Variants in SARS2 observed in about 807,000 individuals in gnomAD.
SARS2 encodes seryl-tRNA synthetase 2, mitochondrial.
A neutral mutation model predicts 66.8 loss-of-function variants in SARS2; 52 were observed. That is an observed-to-expected ratio of 0.78 (90% CI 0.62 to 0.98). The LOEUF is 0.98. Among genes scored for constraint, SARS2 ranks in the 50% least tolerant of loss-of-function variants. SARS2 has a pLI of 0.00. For missense variants in SARS2, 673 were observed against 706.3 expected (o/e 0.95, Z 0.53); for synonymous variants, 306 against 281.4 (o/e 1.09, Z -0.87).
rs564893921 is a variant in SARS2 at position 38,915,824 on chromosome 19, G to T, written c.1413+17C>A. 3.7e-6 allele frequency: 6 copies of T among 1,613,114 alleles called. No individual in the cohort carries two copies. Among genetic ancestry groups the T allele is most frequent in the South Asian group, 1.1e-5 (1 of 91,084 alleles). The stretch of plus-strand genomic sequence containing the variant: ...GGCGCTGAGCTGCCTCTCTGGGTGG[G>T]CCCCTCAGCCCCTCACCTTCTGCTG... On this transcript the variant is annotated intron_variant, in intron 15 of 15. Transcript: ENST00000221431.
At position 38,921,672 on chromosome 19, in the gene SARS2, G is replaced by A. The variant is rs886054429; in HGVS notation, c.394-5C>T. ...CAGACCCTGGTACTTGGGGTCCTGGGGGCAGCACAGGTGGGCTCAGCCCGG... is the reference window on the plus strand; with the variant it reads ...CAGACCCTGGTACTTGGGGTCCTGGAGGCAGCACAGGTGGGCTCAGCCCGG... On this transcript the variant is annotated splice_region_variant and splice_polypyrimidine_tract_variant and intron_variant, in intron 3 of 15. Coordinates refer to ENST00000221431, the MANE Select transcript of SARS2 (RefSeq NM_017827.4). 1.9e-6 allele frequency: 3 copies of A among 1,614,054 alleles called. No homozygotes were observed. The highest frequency in any genetic ancestry group is 4.5e-5 in the East Asian group (2 of 44,880).
chr19:38,921,629 C>T lies in SARS2; in HGVS notation c.432G>A (p.Glu144=). 1.2e-6 allele frequency: 2 copies of T among 1,614,242 alleles called. No homozygotes were observed. The highest frequency in any genetic ancestry group is 1.7e-6 in the Non-Finnish European group (2 of 1,180,038). The part of the protein sequence containing the change: ...KYQGLRARGR[E]IRKELVHLYP... ...ACAGGTGAACAAGCTCCTTCCGGAT[C>T]TCCCGGCCACGTGCCCGCAGACCCT... The change falls in exon 4 of 16, where the codon GAG becomes GAA. Residue 144 remains glutamate, a synonymous_variant. Transcript: ENST00000221431.
chr19:38,918,320 G>A, intron 9 of SARS2, 102 bp downstream of exon 9: 2 of 1,230,434 alleles, frequency 1.6e-6, no homozygotes, highest in South Asian at 1.2e-5. Flanking sequence ...TGGGGCTGCT[G>A]AGCTGCTCGG....
At position 38,930,721 on chromosome 19, in the gene SARS2, C is replaced by T. The variant is rs1974727624; in HGVS notation, c.16G>A (p.Ala6Thr). The T allele has an allele frequency of 6.2e-7, 1 of 1,613,406 alleles. No homozygotes were observed. Among genetic ancestry groups the T allele is most frequent in the South Asian group, 1.1e-5 (1 of 91,068 alleles). MAASMARRLWPLLTRR... is the reference protein window; with the variant it reads MAASMTRRLWPLLTRR... ...GTCAGCAAAGGCCACAAGCGCCGCG[C>T]CATGGACGCAGCCATCTTGGACCGG... The change falls in exon 1 of 16, where the codon GCG (alanine) becomes ACG (threonine). Residue 6 changes from alanine (A) to threonine (T), a missense_variant. Coordinates refer to ENST00000221431, the MANE Select transcript of SARS2 (RefSeq NM_017827.4).
intron 3 of SARS2, chr19:38,921,952 C>T (rs1269155437): frequency 7.1e-6 from 11 of 1,548,180 alleles, no homozygotes; most frequent in East Asian, 2.4e-5. Flanking sequence ...AGCCCCAGGA[C>T]TTTAACTGGA....
At chr19:38,926,612 C>A (rs1158136135) in intron 1 of SARS2, among the ~76,000 whole-genome samples, 1 of 151,708 alleles carries the variant, frequency 6.6e-6, no homozygotes, top group Non-Finnish European at 1.5e-5. Context: ...ATGGTGAAAC[C>A]CCATCTCTAC....
intron 1 of SARS2, among the ~76,000 whole-genome samples, chr19:38,928,005 C>A (rs2074113835): frequency 6.6e-6 from 1 of 152,200 alleles, no homozygotes; most frequent in East Asian, 1.9e-4. Context: ...TGCACTCTAG[C>A]CTGGGCGACA....
intron 1 of SARS2, among the ~76,000 whole-genome samples, chr19:38,929,398 T>C (rs1440657156): frequency 6.7e-6 from 1 of 150,010 alleles, no homozygotes; most frequent in Non-Finnish European, 1.5e-5. Context: ...CAACAAAAAA[T>C]ACAAAAGTTT....
At position 38,915,460 on chromosome 19, in the gene SARS2, G is replaced by A. The variant is rs750389664; in HGVS notation, c.*146C>T. On this transcript the variant is annotated 3_prime_UTR_variant, in exon 16 of 16. Coordinates refer to ENST00000221431, the MANE Select transcript of SARS2 (RefSeq NM_017827.4). Reference sequence around the variant, plus strand: ...AGGCAGCAAGGACAGAGGAGAGGTGGACCCCGTGGTCCAGGGGCCCGGGCG... The same window carrying A: ...AGGCAGCAAGGACAGAGGAGAGGTGAACCCCGTGGTCCAGGGGCCCGGGCG... 2.4e-5 allele frequency: 20 copies of A among 837,632 alleles called. No individual in the cohort carries two copies. In the African/African-American group the frequency reaches 2.7e-4, roughly 11 times the overall value. 51.9% of individuals were successfully genotyped at this position (837,632 alleles called of 1,614,324 possible). A position where few individuals can be genotyped will look rare whatever the true frequency, so the allele number is the denominator to read the frequency against.
chr19:38,918,934 C>T (rs966929433), intron 7 of SARS2, 121 bp from the exon 8 acceptor site: 105 of 954,570 alleles, frequency 1.1e-4, no homozygotes, highest in Middle Eastern at 4.5e-4. Flanking sequence ...CAGGGGCTGG[C>T]GCAGTGGCTC....
intron 12 of SARS2, among the ~76,000 whole-genome samples, chr19:38,916,559 G>A (rs993649948): frequency 6.6e-6 from 1 of 150,574 alleles, no homozygotes; most frequent in African/African-American, 2.4e-5. Context: ...GTACATGGAG[G>A]GGGAAGCACA....
chr19:38,916,081 T>C lies in SARS2; in HGVS notation c.1303A>G (p.Ile435Val), dbSNP rs1022495572. 8.7e-6 allele frequency: 14 copies of C among 1,613,762 alleles called. No homozygotes were observed. In the African/African-American group the frequency reaches 9.3e-5, roughly 11 times the overall value. The change falls in exon 14 of 16, where the codon ATC (isoleucine) becomes GTC (valine). Residue 435 changes from isoleucine to valine, a missense_variant. Physicochemically the swap from Ile to Val is conservative, Grantham distance 29. Transcript: ENST00000221431. Reference protein sequence around the residue: ...CTDFQSRRLHIMFQTEAGELQ... With the variant: ...CTDFQSRRLHVMFQTEAGELQ... ...TCCCCAGCCTCGGTCTGGAACATGA[T>C]GTGGAGGCGGCGGCTCTGGAAGTCT... is the stretch of plus-strand genomic sequence containing the variant.
Position 38,920,168 on chromosome 19 carries a change from C to T in SARS2, c.590-19G>A, listed in dbSNP as rs775850031. 3.3e-5 allele frequency: 51 copies of T among 1,553,960 alleles called. No homozygotes were observed. The highest frequency in any genetic ancestry group is 3.8e-5 in the Non-Finnish European group (44 of 1,147,606). On this transcript the variant is annotated intron_variant, in intron 5 of 15. Transcript: ENST00000221431. ...GAGAAAACTGGATGTGGGTGAAAAG[C>T]ACCGGTGTAAGGCAGCGGGGAGAGA...
At chr19:38,920,822 C>T (rs111067340) in intron 5 of SARS2, among the ~76,000 whole-genome samples, 2 of 151,666 alleles carry the variant, frequency 1.3e-5, no homozygotes, top group African/African-American at 4.9e-5. Context: ...GAGACAGACA[C>T]ATACACACAG....
chr19:38,916,662 C>CG (rs35661888), intron 12 of SARS2, among the ~76,000 whole-genome samples: 29,311 of 115,656 alleles, frequency 0.25, 3,781 homozygotes, highest in South Asian at 0.39. Context: ...TAGGCACCCT[C>CG]GGTTTTTTTT....
At chr19:38,927,700 A>G (rs574350156) in intron 1 of SARS2, among the ~76,000 whole-genome samples, 1 of 152,238 alleles carries the variant, frequency 6.6e-6, no homozygotes, top group South Asian at 2.1e-4. Context: ...CCACAACACA[A>G]TTCTTGCCAA....
Position 38,918,763 on chromosome 19 carries a change from C to T in SARS2, c.807+3G>A. On this transcript the variant is annotated splice_donor_region_variant and intron_variant, in intron 8 of 15. Coordinates refer to ENST00000221431, the MANE Select transcript of SARS2 (RefSeq NM_017827.4). ...GCGAGGGAAGCGGAGAGGCCTCACT[C>T]ACAAACACTGCTCCGCGGAGAAGGT... 3 of 1,559,374 alleles carry T rather than the reference C, an allele frequency of 1.9e-6. No homozygotes were observed. The highest frequency in any genetic ancestry group is 2.6e-6 in the Non-Finnish European group (3 of 1,150,920).
At chr19:38,924,688 G>C (rs1647316408) in intron 2 of SARS2, among the ~76,000 whole-genome samples, 1 of 152,090 alleles carries the variant, frequency 6.6e-6, no homozygotes, top group South Asian at 2.1e-4. Flanking sequence ...CTGTCGCCCA[G>C]GCTGCAGTGT....
intron 1 of SARS2, 34 bp downstream of exon 1, chr19:38,930,436 G>C (rs777004810): frequency 6.4e-7 from 1 of 1,574,664 alleles, no homozygotes; most frequent in Admixed American, 1.8e-5. Context: ...TAAAGCAAAC[G>C]TCTGCGCCCC....
Sources: gnomAD v4.1 joint callset for allele counts (sites outside exome capture counted in the v4.1 genomes callset) on GRCh38, gnomAD v4.1.1 for gene constraint, MANE v1.5 for transcripts, NCBI Gene and HGNC (gene_info 2026-07-23, HGNC 2026-07-21) for gene names.